PTPRE: variants seen among roughly 807,000 people sequenced by gnomAD.
The protein encoded by PTPRE is receptor-type tyrosine-protein phosphatase epsilon.
PTPRE carries 51 observed loss-of-function variants against 102.0 expected under a neutral mutation model. That is an observed-to-expected ratio of 0.50 (90% CI 0.40 to 0.63). The LOEUF is 0.63. PTPRE is among the 30% of genes least tolerant of loss of function. The pLI is 0.00. For synonymous variants in PTPRE, 345 were observed against 348.2 expected, an observed-to-expected ratio of 0.99 and a Z score of 0.10; for missense variants, 752 against 915.1, an observed-to-expected ratio of 0.82 and a Z score of 2.30.
chr10:128,005,395 CT>C (rs1854427032), intron 2 of PTPRE, among the ~76,000 whole-genome samples: 1 of 152,220 alleles, frequency 6.6e-6, no homozygotes, highest in Non-Finnish European at 1.5e-5. Flanking sequence ...CCTTGCTCAT[CT>C]ACCTTTTTCA....
Position 127,995,743 on chromosome 10 carries a change from G to GA in PTPRE, c.-8+13451dup, listed in dbSNP as rs1853184735. 2.0e-5 allele frequency among the ~76,000 whole-genome samples: 3 copies of GA among 152,046 alleles called. No individual in the cohort carries two copies. In the South Asian group the frequency reaches 6.2e-4, roughly 32 times the overall value. On this transcript the variant is annotated intron_variant, in intron 2 of 20. Transcript: ENST00000254667. ...ATGATGAATTTGCTGAGTGTCAGAG[G>GA]AAAATTGTCAGGCCACAAACTAATC...
At position 128,056,101 on chromosome 10, in the gene PTPRE, C is replaced by T. The variant is rs1384882804; in HGVS notation, c.421-22C>T. The T allele has an allele frequency of 3.9e-6, 6 of 1,553,358 alleles. No homozygotes were observed. In the East Asian group the frequency reaches 1.3e-4, roughly 35 times the overall value. On this transcript the variant is annotated intron_variant, in intron 6 of 20. Coordinates refer to ENST00000254667, the MANE Select transcript of PTPRE (RefSeq NM_006504.6). ...GTGCTTGAATCCATCACATTTCATA[C>T]TAATGCTACATTTTCTTCCAGTCAT...
At chr10:127,908,426 CTGTG>C (rs1382669921) in intron 1 of PTPRE, among the ~76,000 whole-genome samples, 1 of 130,768 alleles carries the variant, frequency 7.6e-6, no homozygotes, top group Non-Finnish European at 1.6e-5. Context: ...TCCATTTAAA[CTGTG>C]TGTATGTGGG....
At chr10:127,948,791 C>T (rs956400789) in intron 1 of PTPRE, among the ~76,000 whole-genome samples, 1 of 152,196 alleles carries the variant, frequency 6.6e-6, no homozygotes, top group African/African-American at 2.4e-5. Flanking sequence ...GCCAACTTGA[C>T]AGGATTAAGG....
chr10:127,969,030 AG>A (rs1850483940), intron 1 of PTPRE, among the ~76,000 whole-genome samples: 1 of 152,262 alleles, frequency 6.6e-6, no homozygotes, highest in African/African-American at 2.4e-5. Flanking sequence ...TGATTCAGTC[AG>A]GGTTTCCAAC....
At chr10:127,959,679 T>C (rs1047724678) in intron 1 of PTPRE, among the ~76,000 whole-genome samples, 1 of 152,212 alleles carries the variant, frequency 6.6e-6, no homozygotes, top group Non-Finnish European at 1.5e-5. Context: ...TTCTCCATAG[T>C]GTTGAGGGCA....
intron 1 of PTPRE, among the ~76,000 whole-genome samples, chr10:127,921,417 A>T (rs375347131): frequency 1.1e-4 from 16 of 152,064 alleles, no homozygotes; most frequent in African/African-American, 3.6e-4. Flanking sequence ...GCTGCTGGGG[A>T]TGGGGTGGGA....
At chr10:128,072,993 A>T (rs571744121) in intron 16 of PTPRE, among the ~76,000 whole-genome samples, 1 of 152,226 alleles carries the variant, frequency 6.6e-6, no homozygotes, top group Non-Finnish European at 1.5e-5. Flanking sequence ...TTGTACCAGA[A>T]TCCGGTGGGC....
intron 2 of PTPRE, among the ~76,000 whole-genome samples, chr10:128,016,266 A>G (rs772182518): frequency 1.3e-5 from 2 of 152,324 alleles, no homozygotes; most frequent in South Asian, 2.1e-4. Context: ...TTCAAAACAC[A>G]GAACAGGTCA....
In PTPRE at chr10:128,021,187, G is replaced by T. The variant is rs189645064; in HGVS notation, c.-7-19688G>T. On this transcript the variant is annotated intron_variant, in intron 2 of 20. Coordinates refer to ENST00000254667, the MANE Select transcript of PTPRE (RefSeq NM_006504.6). ...TGGGACTACAGACGCGAGCCACCGCGCCCGGCCGAGTGTCTTTTTTTCAGG... is the reference window on the plus strand; with the variant it reads ...TGGGACTACAGACGCGAGCCACCGCTCCCGGCCGAGTGTCTTTTTTTCAGG... 4.1e-3 allele frequency among the ~76,000 whole-genome samples: 618 copies of T among 152,254 alleles called. 4 individuals are homozygous for T. The highest frequency in any genetic ancestry group is 7.4e-3 in the Non-Finnish European group (500 of 68,026).
intron 2 of PTPRE, among the ~76,000 whole-genome samples, chr10:128,013,653 GA>G (rs1845193441): frequency 6.6e-6 from 1 of 152,180 alleles, no homozygotes; most frequent in South Asian, 2.1e-4. Flanking sequence ...GAGCCCTCTT[GA>G]ATGGGATTAG....
intron 2 of PTPRE, among the ~76,000 whole-genome samples, chr10:128,013,294 A>G (rs1845162713): frequency 6.6e-6 from 1 of 152,164 alleles, no homozygotes; most frequent in African/African-American, 2.4e-5. Context: ...CGAAGTCGTG[A>G]GTAGAGGAAA....
intron 2 of PTPRE, among the ~76,000 whole-genome samples, chr10:127,991,350 G>A (rs1442680042): frequency 2.6e-5 from 4 of 152,206 alleles, no homozygotes; most frequent in African/African-American, 9.7e-5. Flanking sequence ...ACCCACGGCT[G>A]TATATTTTCC....
At chr10:128,005,112 G>A (rs1564873298) in intron 2 of PTPRE, among the ~76,000 whole-genome samples, 1 of 152,196 alleles carries the variant, frequency 6.6e-6, no homozygotes, top group Non-Finnish European at 1.5e-5. Context: ...AGTTGTAAGA[G>A]TACTTTATGC....
intron 2 of PTPRE, among the ~76,000 whole-genome samples, chr10:128,019,210 C>T (rs1845666029): frequency 6.6e-6 from 1 of 152,262 alleles, no homozygotes; most frequent in African/African-American, 2.4e-5. Flanking sequence ...CAGCCCTGCC[C>T]CTTGCTCACT....
intron 2 of PTPRE, among the ~76,000 whole-genome samples, chr10:128,025,335 C>T (rs984211057): frequency 2.0e-5 from 3 of 152,158 alleles, no homozygotes; most frequent in Admixed American, 6.5e-5. Flanking sequence ...TGAGGACCCA[C>T]GGCTTCAGCT....
At chr10:128,071,015 G>T (rs1337942966) in intron 15 of PTPRE, 114 bp downstream of exon 15, 3 of 1,043,996 alleles carry the variant, frequency 2.9e-6, no homozygotes, top group Non-Finnish European at 4.3e-6. Flanking sequence ...CAAAAGCAGG[G>T]TGTCCTCTGG....
In PTPRE at chr10:127,944,092, C is replaced by A. The variant is rs1286108004; in HGVS notation, c.-31+36783C>A. Reference sequence around the variant, plus strand: ...GGATGTGAGTCAGCCAATGGCCAAGCTTTGACTTTCGGCCAGGGTGGAGAG... The same window carrying A: ...GGATGTGAGTCAGCCAATGGCCAAGATTTGACTTTCGGCCAGGGTGGAGAG... On this transcript the variant is annotated intron_variant, in intron 1 of 20. Transcript: ENST00000254667. This position sits in a 1 kb window ranked among gnomAD's most constrained non-coding sequence, Gnocchi z 4.2. Among the ~76,000 whole-genome samples the A allele has an allele frequency of 6.6e-6, 1 of 152,198 alleles. No homozygotes were observed. The highest frequency in any genetic ancestry group is 1.9e-4 in the East Asian group (1 of 5,202).
At chr10:127,999,724 C>G in intron 2 of PTPRE, 1 of 984,712 alleles carries the variant, frequency 1.0e-6, no homozygotes, top group Non-Finnish European at 1.2e-6. Context: ...AGCGGTCTCT[C>G]CTGTAAATTT....
Sources: gnomAD v4.1 joint callset for allele counts (sites outside exome capture counted in the v4.1 genomes callset) on GRCh38, gnomAD v4.1.1 for gene constraint, Gnocchi (gnomAD v3.1) non-coding constraint, MANE v1.5 for transcripts, NCBI Gene and HGNC (gene_info 2026-07-23, HGNC 2026-07-21) for gene names.